TLN2: variants seen among roughly 807,000 people sequenced by gnomAD.
The protein encoded by TLN2 is talin-2.
Under a neutral mutation model 294.7 loss-of-function variants are expected in TLN2, and 118 were observed. The ratio of observed to expected loss-of-function variants is 0.40; its 90% CI spans 0.34 to 0.47. TLN2 has a LOEUF of 0.47. Ranked by LOEUF, TLN2 falls within the 20% of genes least tolerant of loss-of-function variation. The probability of loss-of-function intolerance (pLI) is 0.84; values close to 1 mark genes in which losing one functional copy is unlikely to be tolerated. For synonymous variants in TLN2, 1,431 were observed against 1,304.5 expected (o/e 1.10, Z -2.09); for missense variants, 3,083 against 3,282.2 (o/e 0.94, Z 1.48).
intron 1 of TLN2, among the ~76,000 whole-genome samples, chr15:62,422,243 A>G (rs2034450215): frequency 6.6e-6 from 1 of 151,266 alleles, no homozygotes; most frequent in South Asian, 2.1e-4. Flanking sequence ...AAAAAAAAAA[A>G]AGACTTGCCT....
intron 7 of TLN2, among the ~76,000 whole-genome samples, chr15:62,655,396 G>C (rs973975014): frequency 6.6e-6 from 1 of 152,100 alleles, no homozygotes; most frequent in Non-Finnish European, 1.5e-5. Flanking sequence ...CCCATGGCAC[G>C]GTTCTGCCAG....
intron 1 of TLN2, among the ~76,000 whole-genome samples, chr15:62,524,264 A>C (rs946551202): frequency 6.6e-6 from 1 of 152,212 alleles, no homozygotes; most frequent in Non-Finnish European, 1.5e-5. Context: ...TTAGTTCATA[A>C]ACTAAAATCA....
intron 28 of TLN2, among the ~76,000 whole-genome samples, chr15:62,735,149 C>G (rs1234357847): frequency 6.6e-6 from 1 of 152,214 alleles, no homozygotes; most frequent in African/African-American, 2.4e-5. Flanking sequence ...CTTGCCACCT[C>G]TGGAAGTGTT....
intron 1 of TLN2, among the ~76,000 whole-genome samples, chr15:62,464,632 C>G (rs572549231): frequency 2.2e-4 from 32 of 146,866 alleles, no homozygotes; most frequent in African/African-American, 7.3e-4. Flanking sequence ...CAGAAGTGTT[C>G]TTCAGTCTAC....
At chr15:62,607,334 C>T (rs552140056) in intron 2 of TLN2, among the ~76,000 whole-genome samples, 19 of 152,102 alleles carry the variant, frequency 1.2e-4, no homozygotes, top group African/African-American at 2.2e-4. Flanking sequence ...CTAGCCCACC[C>T]GCACCACCTC....
chr15:62,563,765 G>A (rs2043168034), intron 1 of TLN2, among the ~76,000 whole-genome samples: 2 of 152,176 alleles, frequency 1.3e-5, no homozygotes, highest in South Asian at 2.1e-4. Flanking sequence ...GTCATCCTGC[G>A]AGGGTTGGCT....
At chr15:62,527,703 C>T (rs1054684566) in intron 1 of TLN2, among the ~76,000 whole-genome samples, 1 of 152,240 alleles carries the variant, frequency 6.6e-6, no homozygotes, top group Non-Finnish European at 1.5e-5. Flanking sequence ...CACAGTATGG[C>T]TTTAACTTTC....
intron 3 of TLN2, among the ~76,000 whole-genome samples, chr15:62,624,651 A>G (rs2049120863): frequency 6.6e-6 from 1 of 152,236 alleles, no homozygotes. Context: ...GTCTTAACAC[A>G]TTTCTCTTAA....
At position 62,835,886 on chromosome 15, in the gene TLN2, C is replaced by T. The variant is rs368947223; in HGVS notation, c.7192-5C>T. On this transcript the variant is annotated splice_polypyrimidine_tract_variant and splice_region_variant and intron_variant, in intron 56 of 58. Coordinates refer to ENST00000636159, the MANE Select transcript of TLN2 (RefSeq NM_015059.3). ...TTGGGTCACTTCTCCGTTGACTGTC[C>T]CCAGGCCCGGATGGTGGCGGCTGCG... 380 of 1,614,144 alleles carry T rather than the reference C, an allele frequency of 2.4e-4. No individual in the cohort carries two copies. In the African/African-American group the frequency reaches 4.5e-3, roughly 19 times the overall value.
intron 3 of TLN2, among the ~76,000 whole-genome samples, chr15:62,645,702 C>T (rs1249450854): frequency 1.3e-5 from 2 of 152,170 alleles, no homozygotes; most frequent in Admixed American, 6.5e-5. Flanking sequence ...CTAGCACCTC[C>T]CTTCTTCCGT....
intron 1 of TLN2, among the ~76,000 whole-genome samples, chr15:62,512,570 G>A (rs908489119): frequency 1.3e-5 from 2 of 152,182 alleles, no homozygotes; most frequent in Non-Finnish European, 2.9e-5. Context: ...ATTGCTGAGA[G>A]ACATGATGTG....
At chr15:62,672,023 A>G (rs1285099252) in intron 9 of TLN2, among the ~76,000 whole-genome samples, 1 of 152,206 alleles carries the variant, frequency 6.6e-6, no homozygotes, top group Non-Finnish European at 1.5e-5. Flanking sequence ...TTTGATTAAT[A>G]TTAAAATTGA....
At chr15:62,577,445 AAAAAC>A (rs1175883838) in intron 1 of TLN2, among the ~76,000 whole-genome samples, 2 of 152,218 alleles carry the variant, frequency 1.3e-5, no homozygotes, top group Non-Finnish European at 1.5e-5. Flanking sequence ...ACTCCATCTC[AAAAAC>A]AAAACAAAAC....
intron 47 of TLN2, among the ~76,000 whole-genome samples, chr15:62,796,656 A>G (rs913258969): frequency 8.5e-5 from 13 of 152,168 alleles, no homozygotes; most frequent in African/African-American, 3.1e-4. Context: ...TTGGGAAGAT[A>G]GGGGCTCAAA....
intron 1 of TLN2, among the ~76,000 whole-genome samples, chr15:62,498,123 C>G (rs1346282985): frequency 1.5e-5 from 2 of 136,418 alleles, no homozygotes; most frequent in Non-Finnish European, 3.0e-5. Context: ...CACTGCACTC[C>G]AGCCTGGGTG....
At chr15:62,448,408 T>A (rs1010693182) in intron 1 of TLN2, among the ~76,000 whole-genome samples, 1 of 152,114 alleles carries the variant, frequency 6.6e-6, no homozygotes, top group African/African-American at 2.4e-5. Flanking sequence ...GAGGAAAGAG[T>A]TAGGCTTGTA....
intron 1 of TLN2, among the ~76,000 whole-genome samples, chr15:62,566,599 G>A (rs1187336095): frequency 6.6e-6 from 1 of 151,562 alleles, no homozygotes; most frequent in Non-Finnish European, 1.5e-5. Context: ...ACTCCTGGCA[G>A]CATTGAGTAG....
intron 11 of TLN2, among the ~76,000 whole-genome samples, chr15:62,679,177 A>G (rs1416013778): frequency 2.0e-5 from 3 of 152,152 alleles, no homozygotes; most frequent in Non-Finnish European, 4.4e-5. Context: ...GCTGGTGGGA[A>G]TGTAAAATGG....
chr15:62,452,764 A>C (rs1447382000), intron 1 of TLN2, among the ~76,000 whole-genome samples: 1 of 152,210 alleles, frequency 6.6e-6, no homozygotes, highest in African/African-American at 2.4e-5. Flanking sequence ...GAAGGGACTT[A>C]ACTTGCCTCT....
Sources: allele counts gnomAD v4.1 joint callset (sites outside exome capture counted in the v4.1 genomes callset), GRCh38; gene constraint gnomAD v4.1.1; transcripts MANE v1.5; gene names NCBI Gene and HGNC (gene_info 2026-07-23, HGNC 2026-07-21).